The following TMEM11 variants were observed in gnomAD, a reference collection of about 807,000 sequenced individuals.
TMEM11 encodes the protein transmembrane protein 11.
Under a neutral mutation model 17.0 loss-of-function variants are expected in TMEM11, and 1 was observed. The ratio of observed to expected loss-of-function variants is 0.06; its 90% CI spans 0.02 to 0.28. The LOEUF is 0.28. TMEM11 is among the 10% of genes least tolerant of loss of function. TMEM11 has a pLI of 1.00. For synonymous variants in TMEM11, 122 were observed against 118.1 expected, an observed-to-expected ratio of 1.03 and a Z score of -0.21; for missense variants, 172 against 252.9, an observed-to-expected ratio of 0.68 and a Z score of 2.17.
At chr17:21,206,559 G>A (rs1056422684) in intron 1 of TMEM11, among the ~76,000 whole-genome samples, 30 of 151,834 alleles carry the variant, frequency 2.0e-4, no homozygotes, top group African/African-American at 6.3e-4. Flanking sequence ...TTGTGGAGAC[G>A]GAGTTTCACT....
chr17:21,210,848 G>A (rs893394068), intron 1 of TMEM11: 56 of 1,184,188 alleles, frequency 4.7e-5, no homozygotes, highest in Non-Finnish European at 5.8e-5. Context: ...CACACCCCAG[G>A]TTGCCTCATA....
rs1975035363 is a variant in TMEM11, at chr17:21,214,095, C to G, written c.58G>C (p.Glu20Gln). ...CAACAAGCCCTTGGATCTCACCTCT[C>G]TCGGGCGCTGCCGCCACTGCTGCCC... ...GPGSSGGSAR[E>Q]RVSLSATDCY... Residue 20 changes from glutamate (E) to glutamine (Q), a missense_variant, in exon 1 of 2, where the codon GAG becomes CAG. Glu to Gln is a conservative substitution (Grantham distance 29). Transcript: ENST00000317635. 6.2e-7 allele frequency: 1 copy of G among 1,610,236 alleles called. No homozygotes were observed. The highest frequency in any genetic ancestry group is 1.3e-5 in the African/African-American group (1 of 74,816).
intron 1 of TMEM11, among the ~76,000 whole-genome samples, chr17:21,212,910 A>G (rs1256498389): frequency 6.6e-6 from 1 of 152,242 alleles, no homozygotes; most frequent in Non-Finnish European, 1.5e-5. Flanking sequence ...AAGTGTGTTT[A>G]CCACTGCTTT....
In TMEM11 at chr17:21,198,483, G is replaced by A; in HGVS notation, c.420C>T (p.Ala140=). ...GCAGAGGCAGGCGCGACAGTTTATA[G>A]GCGTCGTACTCCACTTGGTACTTGC... The part of the protein sequence containing the change: ...PCCKYQVEYD[A]YKLSRLPLHT... Residue 140 remains alanine, a synonymous_variant, in exon 2 of 2, where the codon GCC becomes GCT. Transcript: ENST00000317635. The surrounding 1 kb of genome is among the most constrained non-coding windows in gnomAD (Gnocchi z 6.5). 1.2e-6 allele frequency: 2 copies of A among 1,614,252 alleles called. No homozygotes were observed. The highest frequency in any genetic ancestry group is 8.5e-7 in the Non-Finnish European group (1 of 1,180,050).
rs1194710239 is a variant in TMEM11, at chr17:21,214,105, G to A, written c.48C>T (p.Gly16=). 15 of 1,610,952 alleles carry A rather than the reference G, an allele frequency of 9.3e-6. No individual in the cohort carries two copies. Among genetic ancestry groups the A allele is most frequent in the Non-Finnish European group, 1.2e-5 (14 of 1,179,416 alleles). Residue 16 remains glycine, a synonymous_variant, in exon 1 of 2, where the codon GGC becomes GGT. Coordinates refer to ENST00000317635, the MANE Select transcript of TMEM11 (RefSeq NM_003876.3). ...TTGGATCTCACCTCTCTCGGGCGCT[G>A]CCGCCACTGCTGCCCGGGCCAAGAC... ...RRRLGPGSSG[G]SARERVSLSA... is the part of the protein sequence containing the mutation.
chr17:21,206,401 T>C (rs1383031996), intron 1 of TMEM11, among the ~76,000 whole-genome samples: 2 of 152,196 alleles, frequency 1.3e-5, no homozygotes, highest in East Asian at 3.9e-4. Context: ...TTTGTATTTT[T>C]AGTAGAGACA....
At position 21,198,141 on chromosome 17, in the gene TMEM11, C is replaced by T. The variant is rs1259394682; in HGVS notation, c.*183G>A. 1.5e-5 allele frequency: 11 copies of T among 739,868 alleles called. No homozygotes were observed. Among genetic ancestry groups the T allele is most frequent in the Admixed American group, 3.1e-5 (1 of 32,310 alleles). The allele number at this position is 739,868 out of a possible 1,614,324, so 45.8% of individuals were successfully genotyped here. ...ACCCCCCTCTTGGGTTATGGAAATCCACATCTTAGTGTAATGAGCTGAAAA... is the reference window on the plus strand; with the variant it reads ...ACCCCCCTCTTGGGTTATGGAAATCTACATCTTAGTGTAATGAGCTGAAAA... On this transcript the variant is annotated 3_prime_UTR_variant, in exon 2 of 2. Transcript: ENST00000317635. This position sits in a 1 kb window ranked among gnomAD's most constrained non-coding sequence, Gnocchi z 6.5.
chr17:21,213,840 G>C, intron 1 of TMEM11: 3 of 413,918 alleles, frequency 7.2e-6, no homozygotes, highest in South Asian at 2.9e-5. Flanking sequence ...CTCGGGCCCC[G>C]CCCCGCATGG....
intron 1 of TMEM11, among the ~76,000 whole-genome samples, chr17:21,208,984 C>T (rs1251140920): frequency 2.6e-5 from 4 of 152,208 alleles, no homozygotes; most frequent in Admixed American, 2.6e-4. Flanking sequence ...GCTGGACCTC[C>T]ACCCGCTTCT....
intron 1 of TMEM11, among the ~76,000 whole-genome samples, chr17:21,205,343 G>C (rs1328317742): frequency 1.3e-5 from 2 of 152,098 alleles, no homozygotes; most frequent in Non-Finnish European, 2.9e-5. Context: ...CCTGAGCCAG[G>C]GATACAACTC....
chr17:21,207,140 CATT>C (rs1233777063), intron 1 of TMEM11, among the ~76,000 whole-genome samples: 1 of 152,184 alleles, frequency 6.6e-6, no homozygotes, highest in Non-Finnish European at 1.5e-5. Context: ...TTTCATTTTG[CATT>C]ATGTTTTTAA....
At chr17:21,211,602 A>G (rs2144312766) in intron 1 of TMEM11, among the ~76,000 whole-genome samples, 1 of 152,382 alleles carries the variant, frequency 6.6e-6, no homozygotes, top group South Asian at 2.1e-4. Flanking sequence ...AAACTGGACC[A>G]TCCAACACAC....
At chr17:21,199,833 C>T (rs569940838) in intron 1 of TMEM11, among the ~76,000 whole-genome samples, 1 of 152,292 alleles carries the variant, frequency 6.6e-6, no homozygotes, top group East Asian at 1.9e-4. Flanking sequence ...ATAGGAAAAG[C>T]GACCCTTTCC....
At chr17:21,201,354 T>G (rs1425718877) in intron 1 of TMEM11, among the ~76,000 whole-genome samples, 1 of 152,202 alleles carries the variant, frequency 6.6e-6, no homozygotes, top group Non-Finnish European at 1.5e-5. Flanking sequence ...TAGGCCCTAA[T>G]TAAACGGCAT....
chr17:21,202,665 G>A (rs1419679681), intron 1 of TMEM11, among the ~76,000 whole-genome samples: 7 of 151,152 alleles, frequency 4.6e-5, no homozygotes, highest in East Asian at 2.0e-4. Context: ...GTGCGTCCAC[G>A]AGTCCCAACC....
chr17:21,201,972 C>A lies in TMEM11; in HGVS notation c.63-3132G>T, dbSNP rs540810567. Among the ~76,000 whole-genome samples, 37 of 152,350 alleles carry A rather than the reference C, an allele frequency of 2.4e-4. 1 individual carries two copies. Among genetic ancestry groups the A allele is most frequent in the Admixed American group, 8.5e-4 (13 of 15,300 alleles). On this transcript the variant is annotated intron_variant, in intron 1 of 1. Transcript: ENST00000317635. ...AGAAGCTACCTACAGCAAACAAGCA[C>A]ACCCAAAGCAGGGTCTTCACTGGCG...
At chr17:21,200,662 C>T (rs1420472958) in intron 1 of TMEM11, among the ~76,000 whole-genome samples, 1 of 152,234 alleles carries the variant, frequency 6.6e-6, no homozygotes, top group Non-Finnish European at 1.5e-5. Flanking sequence ...AACACTGTAC[C>T]AGGCAACACA....
At position 21,198,318 on chromosome 17, in the gene TMEM11, C is replaced by A; in HGVS notation, c.*6G>T. The A allele has an allele frequency of 6.2e-7, 1 of 1,605,918 alleles. No individual in the cohort carries two copies. The highest frequency in any genetic ancestry group is 8.5e-7 in the Non-Finnish European group (1 of 1,173,554). On this transcript the variant is annotated 3_prime_UTR_variant, in exon 2 of 2. Transcript: ENST00000317635. This position sits in a 1 kb window ranked among gnomAD's most constrained non-coding sequence, Gnocchi z 6.5. Reference sequence around the variant, plus strand: ...TGGTTTTGCTTCGCTCCCTGTTCTACTGAAATCATACGGCATAGAGTTCGT... The same window carrying A: ...TGGTTTTGCTTCGCTCCCTGTTCTAATGAAATCATACGGCATAGAGTTCGT...
intron 1 of TMEM11, among the ~76,000 whole-genome samples, chr17:21,209,570 C>G (rs7210561): frequency 0.056 from 8,565 of 152,252 alleles, 343 homozygotes; most frequent in African/African-American, 0.12. Context: ...AATTTTAAGA[C>G]CAGCCTAGAC....
Sources: gnomAD v4.1 joint callset for allele counts (sites outside exome capture counted in the v4.1 genomes callset) on GRCh38, gnomAD v4.1.1 for gene constraint, Gnocchi (gnomAD v3.1) non-coding constraint, MANE v1.5 for transcripts, NCBI Gene and HGNC (gene_info 2026-07-23, HGNC 2026-07-21) for gene names.